Variants in LRBA observed in about 807,000 individuals in gnomAD.
LRBA encodes the protein LPS responsive beige-like anchor protein.
Under a neutral mutation model 330.0 loss-of-function variants are expected in LRBA, and 176 were observed. The observed-to-expected ratio is 0.53, with a 90% CI of 0.47 to 0.60. The LOEUF (loss-of-function observed/expected upper bound fraction) is 0.60, where lower values mean the gene tolerates loss of function less well. LRBA is among the 20% of genes least tolerant of loss of function. The probability of loss-of-function intolerance (pLI) is 0.00; values close to 1 mark genes in which losing one functional copy is unlikely to be tolerated. For missense variants in LRBA, 3,259 were observed against 3,444.8 expected, an observed-to-expected ratio of 0.95 and a Z score of 1.35; for synonymous variants, 1,230 against 1,193.0, an observed-to-expected ratio of 1.03 and a Z score of -0.64.
chr4:150,306,247 C>T (rs1730340197), intron 52 of LRBA, among the ~76,000 whole-genome samples: 1 of 151,942 alleles, frequency 6.6e-6, no homozygotes, highest in Non-Finnish European at 1.5e-5. Context: ...CCATGTTTCT[C>T]CTCCCTCCTC....
At chr4:150,389,735 G>A (rs1423904707) in intron 47 of LRBA, among the ~76,000 whole-genome samples, 1 of 147,908 alleles carries the variant, frequency 6.8e-6, no homozygotes, top group Non-Finnish European at 1.5e-5. Flanking sequence ...CCATGAACAT[G>A]TCTAATAGTC....
At chr4:150,351,583 G>A (rs935393576) in intron 47 of LRBA, among the ~76,000 whole-genome samples, 5 of 152,098 alleles carry the variant, frequency 3.3e-5, no homozygotes, top group African/African-American at 1.2e-4. Context: ...CAGCTACCCG[G>A]GAGGCTGAGG....
chr4:150,883,537 T>G (rs1728634216), intron 17 of LRBA, among the ~76,000 whole-genome samples: 2 of 152,162 alleles, frequency 1.3e-5, no homozygotes, highest in African/African-American at 4.8e-5. Context: ...TGTATCAATG[T>G]CTAGTTTGAA....
At chr4:150,488,255 A>C (rs1411481217) in intron 41 of LRBA, among the ~76,000 whole-genome samples, 7 of 151,860 alleles carry the variant, frequency 4.6e-5, no homozygotes, top group African/African-American at 1.7e-4. Flanking sequence ...ATTTAAGTTT[A>C]TGTAGTTAAA....
At chr4:150,839,913 T>C (rs899532061) in intron 28 of LRBA, among the ~76,000 whole-genome samples, 9 of 152,174 alleles carry the variant, frequency 5.9e-5, no homozygotes, top group African/African-American at 2.2e-4. Context: ...TTTGTCCACA[T>C]TGAAAATCTG....
intron 47 of LRBA, among the ~76,000 whole-genome samples, chr4:150,377,345 T>C (rs995260328): frequency 1.3e-5 from 2 of 152,204 alleles, no homozygotes; most frequent in Admixed American, 1.3e-4. Context: ...GAGAAGCAAC[T>C]GTATTCGTTT....
In LRBA at chr4:150,579,508, T is replaced by C. The variant is rs1356847882; in HGVS notation, c.6330+8540A>G. The C allele has an allele frequency of 7.8e-6, 3 of 383,528 alleles. No homozygotes were observed. In the East Asian group the frequency reaches 2.2e-4, roughly 28 times the overall value. 23.8% of individuals were successfully genotyped at this position (383,528 alleles called of 1,614,324 possible). The stretch of plus-strand genomic sequence containing the variant: ...TTTGTTTAACTGATTTATTATTTAC[T>C]AGAGCATCTACCTAAGACAGGGTAA... On this transcript the variant is annotated intron_variant, in intron 40 of 56. Coordinates refer to ENST00000651943, the MANE Select transcript of LRBA (RefSeq NM_001364905.1).
At chr4:150,904,031 A>T (rs1560984709) in intron 13 of LRBA, among the ~76,000 whole-genome samples, 1 of 152,204 alleles carries the variant, frequency 6.6e-6, no homozygotes, top group Non-Finnish European at 1.5e-5. Context: ...CTGCTAGGTC[A>T]TTAAAAAGAT....
intron 37 of LRBA, among the ~76,000 whole-genome samples, chr4:150,651,728 G>T (rs563164600): frequency 6.6e-6 from 1 of 152,206 alleles, no homozygotes; most frequent in African/African-American, 2.4e-5. Context: ...AACTGCCTGG[G>T]ACACAATATT....
At chr4:150,984,239 G>A (rs546765053) in intron 2 of LRBA, among the ~76,000 whole-genome samples, 6 of 152,302 alleles carry the variant, frequency 3.9e-5, no homozygotes, top group East Asian at 1.9e-4. Context: ...AGGGCTGGGC[G>A]CAGTGGCCCA....
At chr4:150,917,655 G>A (rs1165191607) in intron 5 of LRBA, among the ~76,000 whole-genome samples, 2 of 151,998 alleles carry the variant, frequency 1.3e-5, no homozygotes, top group Admixed American at 6.6e-5. Context: ...GGCCAGATAC[G>A]GTGGCTCACA....
chr4:150,960,751 T>C (rs1480573940), intron 2 of LRBA, among the ~76,000 whole-genome samples: 1 of 149,180 alleles, frequency 6.7e-6, no homozygotes, highest in Non-Finnish European at 1.5e-5. Flanking sequence ...AGTTACAGTT[T>C]TACAATAAAA....
chr4:150,503,843 A>G (rs1415003144), intron 40 of LRBA, among the ~76,000 whole-genome samples: 1 of 152,040 alleles, frequency 6.6e-6, no homozygotes, highest in East Asian at 1.9e-4. Context: ...AAAAACTTTG[A>G]AAAAAAATTA....
chr4:150,878,178 C>CAA (rs140005096), intron 17 of LRBA, among the ~76,000 whole-genome samples: 17 of 137,530 alleles, frequency 1.2e-4, no homozygotes, highest in Non-Finnish European at 1.7e-4. Context: ...TCCAAAAATA[C>CAA]AAAAAAAAAA....
In LRBA at chr4:150,415,469, GT is replaced by G; in HGVS notation, c.7162del (p.Thr2388ProfsTer8). 6.2e-7 allele frequency: 1 copy of G among 1,613,560 alleles called. No individual in the cohort carries two copies. On this transcript the variant is annotated frameshift_variant, in exon 47 of 57. Coordinates refer to ENST00000651943, the MANE Select transcript of LRBA (RefSeq NM_001364905.1). LOFTEE classifies it high-confidence loss of function. ...GTTTATGTGAACAAATTCTTCTGAG[GT>G]TTTGGCCCAAGGAGGAAGTTCGACA... ...SDVELPPWAK[T>X]SEEFVHINRL...
At chr4:150,617,370 C>T (rs1405770784) in intron 37 of LRBA, among the ~76,000 whole-genome samples, 2 of 152,206 alleles carry the variant, frequency 1.3e-5, no homozygotes, top group Admixed American at 6.5e-5. Flanking sequence ...TGGCTGGACA[C>T]TGGCCTCACG....
At chr4:150,590,361 CAAA>C (rs5862927) in intron 39 of LRBA, among the ~76,000 whole-genome samples, 55 of 122,876 alleles carry the variant, frequency 4.5e-4, no homozygotes, top group Non-Finnish European at 5.9e-4. Context: ...GCTTTATTTA[CAAA>C]AAAAAAAAAA....
chr4:150,681,592 GT>G (rs1405991990), intron 37 of LRBA, among the ~76,000 whole-genome samples: 1 of 152,132 alleles, frequency 6.6e-6, no homozygotes, highest in East Asian at 1.9e-4. Context: ...GTTACATATT[GT>G]TTTTTAATGT....
chr4:150,481,076 G>C (rs1757242590), intron 42 of LRBA, among the ~76,000 whole-genome samples: 1 of 152,110 alleles, frequency 6.6e-6, no homozygotes, highest in Non-Finnish European at 1.5e-5. Context: ...CCACATATGA[G>C]TGAGAACACG....
Sources: gnomAD v4.1 joint callset for allele counts (sites outside exome capture counted in the v4.1 genomes callset) on GRCh38, gnomAD v4.1.1 for gene constraint, MANE v1.5 for transcripts, NCBI Gene and HGNC (gene_info 2026-07-23, HGNC 2026-07-21) for gene names.